Variants in HPSE2 observed in about 807,000 individuals in gnomAD.
HPSE2 encodes the protein heparanase 2 (inactive).
Under a neutral mutation model 60.5 loss-of-function variants are expected in HPSE2, and 38 were observed. The ratio of observed to expected loss-of-function variants is 0.63; its 90% CI spans 0.48 to 0.82. HPSE2 has a LOEUF of 0.82. Ranked by LOEUF, HPSE2 falls within the 40% of genes least tolerant of loss-of-function variation. HPSE2 has a pLI of 0.00. For synonymous variants in HPSE2, 295 were observed against 293.2 expected (o/e 1.01, Z -0.06); for missense variants, 713 against 740.4 (o/e 0.96, Z 0.43).
intron 4 of HPSE2, among the ~76,000 whole-genome samples, chr10:98,729,512 G>A (rs1949176429): frequency 6.6e-6 from 1 of 152,148 alleles, no homozygotes; most frequent in African/African-American, 2.4e-5. Flanking sequence ...GGGAGGCTGA[G>A]GCAGGAGAAT....
chr10:98,645,045 G>T (rs1321698510), intron 6 of HPSE2, among the ~76,000 whole-genome samples: 1 of 152,160 alleles, frequency 6.6e-6, no homozygotes, highest in South Asian at 2.1e-4. Flanking sequence ...AAGCAGAGAT[G>T]AAGGAAGAAC....
intron 11 of HPSE2, chr10:98,461,738 T>C (rs1940297970): frequency 1.9e-6 from 3 of 1,538,948 alleles, no homozygotes; most frequent in Non-Finnish European, 2.7e-6. Flanking sequence ...ATATACAGAA[T>C]TAGGTGCAAA....
At chr10:98,607,432 A>C (rs1174723440) in intron 9 of HPSE2, among the ~76,000 whole-genome samples, 1 of 152,216 alleles carries the variant, frequency 6.6e-6, no homozygotes, top group Non-Finnish European at 1.5e-5. Context: ...TGCTGTCATT[A>C]GCACTTTGAT....
intron 3 of HPSE2, among the ~76,000 whole-genome samples, chr10:98,875,478 A>C (rs1952852204): frequency 6.6e-6 from 1 of 152,102 alleles, no homozygotes; most frequent in Non-Finnish European, 1.5e-5. Flanking sequence ...CTAAACCAGG[A>C]AGAAGTCGAA....
intron 3 of HPSE2, among the ~76,000 whole-genome samples, chr10:98,871,304 T>C (rs187393113): frequency 5.3e-5 from 8 of 152,222 alleles, no homozygotes; most frequent in South Asian, 4.1e-4. Flanking sequence ...TCCATCATAA[T>C]TGATACGAAA....
rs554302856 is a variant in HPSE2, at chr10:98,725,496, G to T, written c.785-3668C>A. On this transcript the variant is annotated intron_variant, in intron 4 of 11. Transcript: ENST00000370552. ...CTTATACAAAAATTAATTCAAGATG[G>T]ATTAAAGACTTAAATGTTAGACCTA... Among the ~76,000 whole-genome samples, 211 of 152,234 alleles carry T rather than the reference G, an allele frequency of 1.4e-3. 1 individual carries two copies. The highest frequency in any genetic ancestry group is 6.5e-4 in the Non-Finnish European group (44 of 68,014).
intron 2 of HPSE2, among the ~76,000 whole-genome samples, chr10:99,210,601 C>T (rs563453435): frequency 3.3e-5 from 5 of 152,162 alleles, no homozygotes; most frequent in Non-Finnish European, 7.4e-5. Context: ...CTCAGGGATA[C>T]ATGGATGATT....
At chr10:99,192,232 T>C (rs1358281917) in intron 2 of HPSE2, among the ~76,000 whole-genome samples, 1 of 152,050 alleles carries the variant, frequency 6.6e-6, no homozygotes, top group Non-Finnish European at 1.5e-5. Flanking sequence ...AAGAAATCAA[T>C]ATTCAAGTAC....
At chr10:99,269,184 G>A in the HPSE2 span, among the ~76,000 whole-genome samples, 16 of 151,696 alleles carry the variant, frequency 1.1e-4, no homozygotes, top group Admixed American at 5.3e-4. Context: ...TTCACCAATC[G>A]AGTATCTGCT....
intron 3 of HPSE2, among the ~76,000 whole-genome samples, chr10:99,002,298 G>A (rs1956794573): frequency 6.6e-6 from 1 of 152,088 alleles, no homozygotes; most frequent in Non-Finnish European, 1.5e-5. Flanking sequence ...TCCTCATGGA[G>A]GTGGAGCATA....
chr10:98,582,227 T>C (rs541985002), intron 9 of HPSE2, among the ~76,000 whole-genome samples: 25 of 152,358 alleles, frequency 1.6e-4, no homozygotes, highest in African/African-American at 6.0e-4. Context: ...GAGTACAAGC[T>C]ATGCTCTATT....
At chr10:98,755,868 T>C (rs1420406064) in intron 3 of HPSE2, among the ~76,000 whole-genome samples, 1 of 152,016 alleles carries the variant, frequency 6.6e-6, no homozygotes, top group East Asian at 1.9e-4. Flanking sequence ...TAGTAGCACA[T>C]GCCTGTAATC....
At chr10:98,766,253 A>C (rs915433020) in intron 3 of HPSE2, among the ~76,000 whole-genome samples, 1 of 152,224 alleles carries the variant, frequency 6.6e-6, no homozygotes, top group Non-Finnish European at 1.5e-5. Context: ...AGGAATAATC[A>C]TATATCTACC....
At chr10:98,840,346 G>A (rs1951881411) in intron 3 of HPSE2, among the ~76,000 whole-genome samples, 1 of 152,192 alleles carries the variant, frequency 6.6e-6, no homozygotes, top group Non-Finnish European at 1.5e-5. Context: ...ATCCGTAGAT[G>A]TTAAAAAGTT....
chr10:99,047,583 T>C lies in HPSE2; in HGVS notation c.610+96655A>G, dbSNP rs150558708. ...AAACTTTGCATATGCCAAGGTCTAA[T>C]AGCCAGAATCTATAAGGGACTTAAA... On this transcript the variant is annotated intron_variant, in intron 3 of 11. Transcript: ENST00000370552. 4.2e-5 allele frequency: 25 copies of C among 598,602 alleles called. No homozygotes were observed. The Middle Eastern group carries it at 1.9e-3, about 45-fold the overall frequency. The allele number at this position is 598,602 out of a possible 1,614,324, so 37.1% of individuals were successfully genotyped here. A position where few individuals can be genotyped will look rare whatever the true frequency, so the allele number is the denominator to read the frequency against.
intron 3 of HPSE2, among the ~76,000 whole-genome samples, chr10:98,840,878 C>T (rs755430367): frequency 3.3e-5 from 5 of 152,110 alleles, no homozygotes; most frequent in Non-Finnish European, 7.4e-5. Context: ...TTTAATTTAC[C>T]ATACACAGCA....
intron 3 of HPSE2, among the ~76,000 whole-genome samples, chr10:98,972,968 A>G (rs1444109090): frequency 1.3e-5 from 2 of 152,154 alleles, no homozygotes; most frequent in Non-Finnish European, 2.9e-5. Flanking sequence ...CCAGGTTTTT[A>G]AAGATGATAA....
At chr10:98,604,683 T>C (rs1945527078) in intron 9 of HPSE2, among the ~76,000 whole-genome samples, 1 of 152,240 alleles carries the variant, frequency 6.6e-6, no homozygotes, top group Non-Finnish European at 1.5e-5. Context: ...CTTTATTTCC[T>C]GAATGGTTTC....
At chr10:98,668,100 G>A (rs1007188261) in intron 6 of HPSE2, among the ~76,000 whole-genome samples, 8 of 151,884 alleles carry the variant, frequency 5.3e-5, no homozygotes, top group South Asian at 2.1e-4. Context: ...TACAGAAATC[G>A]GTGGCATTTC....
Sources: allele counts gnomAD v4.1 joint callset (sites outside exome capture counted in the v4.1 genomes callset), GRCh38; gene constraint gnomAD v4.1.1; transcripts MANE v1.5; gene names NCBI Gene and HGNC (gene_info 2026-07-23, HGNC 2026-07-21).